SGCZ: variants seen among roughly 807,000 people sequenced by gnomAD.
SGCZ encodes the protein sarcoglycan zeta, also known as zeta-sarcoglycan.
SGCZ carries 40 observed loss-of-function variants against 41.3 expected under a neutral mutation model. The observed-to-expected ratio is 0.97, with a 90% confidence interval of 0.75 to 1.26. SGCZ has a LOEUF of 1.26. SGCZ is among the 50% of genes most tolerant of loss of function. The pLI is 0.00. For missense variants in SGCZ, 552 were observed against 369.8 expected (o/e 1.49, Z -4.04); for synonymous variants, 206 against 137.5 (o/e 1.50, Z -3.49).
chr8:15,062,194 G>A (rs903622375), intron 1 of SGCZ, among the ~76,000 whole-genome samples: 2 of 152,038 alleles, frequency 1.3e-5, no homozygotes, highest in Admixed American at 1.3e-4. Context: ...AAAGCATTAA[G>A]TTTTTATTAT....
chr8:14,600,465 T>C (rs1805554833), intron 1 of SGCZ, among the ~76,000 whole-genome samples: 2 of 152,194 alleles, frequency 1.3e-5, no homozygotes, highest in African/African-American at 2.4e-5. Flanking sequence ...AGGACTGGAA[T>C]CTTTACCCTG....
At chr8:14,253,535 T>C (rs1187162253) in intron 3 of SGCZ, among the ~76,000 whole-genome samples, 1 of 152,068 alleles carries the variant, frequency 6.6e-6, no homozygotes, top group African/African-American at 2.4e-5. Flanking sequence ...AGAAAATCAC[T>C]TTTTCTTCAA....
chr8:14,557,311 G>T (rs1049646733), intron 1 of SGCZ, among the ~76,000 whole-genome samples: 1 of 151,284 alleles, frequency 6.6e-6, no homozygotes, highest in Non-Finnish European at 1.5e-5. Flanking sequence ...TGAGTTCCTA[G>T]TAGATTTTGG....
chr8:14,426,633 T>C (rs11995597), intron 2 of SGCZ, among the ~76,000 whole-genome samples: 54,920 of 151,944 alleles, frequency 0.36, 11,116 homozygotes, highest in African/African-American at 0.55. Context: ...CAAAATGCTG[T>C]TCAGCTGAAC....
rs371323318 is a variant in SGCZ at position 14,336,098 on chromosome 8, T to A, written c.235-11894A>T. ...CCATCCTCTAGTAGACCCCAGTGTA[T>A]ATTGTTTCCCCCATGTGTCCATGTG... On this transcript the variant is annotated intron_variant, in intron 2 of 7. Coordinates refer to ENST00000382080, the MANE Select transcript of SGCZ (RefSeq NM_139167.4). 6.6e-5 allele frequency among the ~76,000 whole-genome samples: 10 copies of A among 152,144 alleles called. 1 individual carries two copies. Among genetic ancestry groups the A allele is most frequent in the African/African-American group, 2.4e-4 (10 of 41,536 alleles).
At chr8:14,927,979 C>T (rs1313873097) in intron 1 of SGCZ, among the ~76,000 whole-genome samples, 2 of 152,106 alleles carry the variant, frequency 1.3e-5, no homozygotes, top group African/African-American at 4.8e-5. Flanking sequence ...CAGTCAAAGT[C>T]ATCTCCTTTT....
chr8:14,433,536 T>C (rs1009155388), intron 2 of SGCZ, among the ~76,000 whole-genome samples: 6 of 152,194 alleles, frequency 3.9e-5, no homozygotes, highest in African/African-American at 1.4e-4. Flanking sequence ...AAATGTAACT[T>C]ACAAAATGAG....
chr8:14,324,998 A>G (rs1464284737), intron 2 of SGCZ, among the ~76,000 whole-genome samples: 4 of 152,142 alleles, frequency 2.6e-5, no homozygotes, highest in African/African-American at 7.2e-5. Context: ...TGAGATTTCT[A>G]TTTTTGAATA....
chr8:14,946,917 G>A lies in SGCZ; in HGVS notation c.39+290668C>T, dbSNP rs566524314. The stretch of plus-strand genomic sequence containing the variant: ...TTTCGAACTCCTGACCTCATGATCC[G>A]CCCGCCTCGGCCTCCCAACGTGCTG... On this transcript the variant is annotated intron_variant, in intron 1 of 7. Transcript: ENST00000382080. Among the ~76,000 whole-genome samples, 10 of 151,892 alleles carry A rather than the reference G, an allele frequency of 6.6e-5. No homozygotes were observed. In the East Asian group the frequency reaches 1.8e-3, roughly 27 times the overall value.
At chr8:14,639,379 T>C (rs1325821606) in intron 1 of SGCZ, among the ~76,000 whole-genome samples, 2 of 151,630 alleles carry the variant, frequency 1.3e-5, no homozygotes, top group Non-Finnish European at 3.0e-5. Flanking sequence ...GAGCTCATAA[T>C]GTCAAAGAGC....
rs116996810 is a variant in SGCZ, at chr8:14,700,937, G to A, written c.40-146011C>T. 4.6e-3 allele frequency among the ~76,000 whole-genome samples: 695 copies of A among 151,896 alleles called. 12 individuals are homozygous for A. In the East Asian group the frequency reaches 0.052, roughly 11 times the overall value. ...AAAGGGGGAAGGTTAGTAGGTAGGT[G>A]AAAGAAAGAAGAAATATAAAGAGGC... On this transcript the variant is annotated intron_variant, in intron 1 of 7. Coordinates refer to ENST00000382080, the MANE Select transcript of SGCZ (RefSeq NM_139167.4).
At chr8:14,129,278 A>C (rs1384222710) in intron 5 of SGCZ, among the ~76,000 whole-genome samples, 2 of 143,832 alleles carry the variant, frequency 1.4e-5, no homozygotes, top group East Asian at 2.2e-4. Context: ...CCCAGGAGGC[A>C]GAGGTTACAA....
chr8:14,807,122 C>G (rs1357875583), intron 1 of SGCZ, among the ~76,000 whole-genome samples: 2 of 151,642 alleles, frequency 1.3e-5, no homozygotes, highest in African/African-American at 4.8e-5. Flanking sequence ...CAGCCAATAT[C>G]ATACTGAATG....
chr8:14,381,618 A>G (rs55666659), intron 2 of SGCZ, among the ~76,000 whole-genome samples: 6,766 of 151,862 alleles, frequency 0.045, 488 homozygotes, highest in African/African-American at 0.15. Context: ...CTACAAAAAA[A>G]AAAATGAAAA....
intron 1 of SGCZ, among the ~76,000 whole-genome samples, chr8:15,234,544 A>G (rs756717622): frequency 3.3e-5 from 5 of 151,950 alleles, no homozygotes; most frequent in Non-Finnish European, 7.3e-5. Flanking sequence ...AAGATGAAAC[A>G]TACTTACCTT....
intron 2 of SGCZ, among the ~76,000 whole-genome samples, chr8:14,452,264 CTA>C (rs1276810136): frequency 6.6e-6 from 1 of 151,874 alleles, no homozygotes; most frequent in Non-Finnish European, 1.5e-5. Flanking sequence ...AAAAGCAAAA[CTA>C]TGGAAAAAGT....
intron 2 of SGCZ, among the ~76,000 whole-genome samples, chr8:14,342,141 T>A (rs1222748868): frequency 6.6e-6 from 1 of 152,120 alleles, no homozygotes; most frequent in Non-Finnish European, 1.5e-5. Flanking sequence ...ATATGAACAA[T>A]AAGTTCCAGG....
chr8:14,440,324 GTTCATGTAGCTTAAGGA>G, intron 2 of SGCZ, among the ~76,000 whole-genome samples: 1 of 151,952 alleles, frequency 6.6e-6, no homozygotes, highest in South Asian at 2.1e-4. Flanking sequence ...TCACTTCTTT[GTTCATGTAGCTTAAGGA>G]AATCTTAGAT....
intron 1 of SGCZ, among the ~76,000 whole-genome samples, chr8:14,640,166 G>C (rs1454455388): frequency 6.6e-6 from 1 of 150,970 alleles, no homozygotes; most frequent in Non-Finnish European, 1.5e-5. Flanking sequence ...ACAGAAAATT[G>C]GGAAGAATAG....
Sources: gnomAD v4.1 joint callset for allele counts (sites outside exome capture counted in the v4.1 genomes callset) on GRCh38, gnomAD v4.1.1 for gene constraint, MANE v1.5 for transcripts, NCBI Gene and HGNC (gene_info 2026-07-23, HGNC 2026-07-21) for gene names.